The following ALDH1A2 variants were observed in gnomAD, a reference collection of about 807,000 sequenced individuals.
The protein encoded by ALDH1A2 is retinal dehydrogenase 2.
Under a neutral mutation model 60.3 loss-of-function variants are expected in ALDH1A2, and 27 were observed. The observed-to-expected ratio is 0.45, with a 90% confidence interval of 0.33 to 0.62. ALDH1A2 has a LOEUF of 0.62. Ranked by LOEUF, ALDH1A2 falls within the 20% of genes least tolerant of loss-of-function variation. ALDH1A2 has a pLI of 0.02. For missense variants in ALDH1A2, 581 were observed against 643.8 expected (o/e 0.90, Z 1.06); for synonymous variants, 289 against 232.4 (o/e 1.24, Z -2.21).
chr15:58,003,963 A>G (rs1215904248), intron 4 of ALDH1A2, among the ~76,000 whole-genome samples: 1 of 151,904 alleles, frequency 6.6e-6, no homozygotes, highest in Non-Finnish European at 1.5e-5. Flanking sequence ...GTTGTAAAGG[A>G]AACAACATCA....
intron 7 of ALDH1A2, among the ~76,000 whole-genome samples, chr15:57,987,139 C>T (rs895969886): frequency 2.6e-5 from 4 of 151,724 alleles, no homozygotes; most frequent in African/African-American, 7.3e-5. Flanking sequence ...GTTACCTAGC[C>T]GGAAGCACAA....
chr15:57,974,440 A>G (rs1894173992), intron 7 of ALDH1A2, among the ~76,000 whole-genome samples: 2 of 66,590 alleles, frequency 3.0e-5, no homozygotes. Context: ...CTCAAAAAAA[A>G]AAAAAAAAAA....
chr15:57,981,289 A>AACACAC (rs775138747), intron 7 of ALDH1A2, among the ~76,000 whole-genome samples: 22,382 of 141,910 alleles, frequency 0.16, 1,926 homozygotes, highest in Non-Finnish European at 0.22. Flanking sequence ...TAGAAGAGCA[A>AACACAC]ACACACACAC....
intron 7 of ALDH1A2, among the ~76,000 whole-genome samples, chr15:57,969,556 G>C (rs1441059820): frequency 6.6e-6 from 1 of 152,158 alleles, no homozygotes; most frequent in Non-Finnish European, 1.5e-5. Flanking sequence ...GAAGGTGGGA[G>C]TGCACGGCAA....
At chr15:58,047,614 AT>A (rs1389187968) in intron 1 of ALDH1A2, among the ~76,000 whole-genome samples, 3 of 152,018 alleles carry the variant, frequency 2.0e-5, no homozygotes, top group African/African-American at 7.2e-5. Flanking sequence ...CAAAGGTAAT[AT>A]TTTTAACTTT....
intron 7 of ALDH1A2, chr15:57,980,519 C>G (rs552024448): frequency 7.4e-6 from 2 of 269,016 alleles, no homozygotes; most frequent in Admixed American, 3.9e-5. Context: ...AATGGAGATG[C>G]AGGTGAGTCC....
intron 7 of ALDH1A2, among the ~76,000 whole-genome samples, chr15:57,984,921 T>C (rs1303656258): frequency 6.6e-6 from 1 of 152,212 alleles, no homozygotes; most frequent in African/African-American, 2.4e-5. Flanking sequence ...GAGTATTACA[T>C]TGATTTTTTT....
chr15:58,060,119 C>T (rs1266591951), intron 1 of ALDH1A2, among the ~76,000 whole-genome samples: 1 of 152,048 alleles, frequency 6.6e-6, no homozygotes, highest in Non-Finnish European at 1.5e-5. Flanking sequence ...GGGGTTTCAC[C>T]ATGATTGGCC....
chr15:57,988,422 C>T (rs1224706747), intron 7 of ALDH1A2, among the ~76,000 whole-genome samples: 2 of 152,078 alleles, frequency 1.3e-5, no homozygotes, highest in African/African-American at 4.8e-5. Context: ...AAAGAGAAAA[C>T]AAATCAAAAT....
Position 58,032,698 on chromosome 15 carries a change from A to G in ALDH1A2, c.118-18417T>C, listed in dbSNP as rs375279093. Among the ~76,000 whole-genome samples, 4 of 151,990 alleles carry G rather than the reference A, an allele frequency of 2.6e-5. No homozygotes were observed. In the East Asian group the frequency reaches 5.8e-4, roughly 22 times the overall value. On this transcript the variant is annotated intron_variant, in intron 1 of 12. Transcript: ENST00000249750. ...TTGGTTATCTATCCAAAGCAAAAGA[A>G]ATCAATATATCAAAGGGATACCTGC... is the stretch of plus-strand genomic sequence containing the variant.
intron 7 of ALDH1A2, 100 bp downstream of exon 7, chr15:57,992,605 C>G: frequency 1.8e-6 from 2 of 1,103,444 alleles, no homozygotes; most frequent in East Asian, 2.4e-5. Context: ...ACTCACTGCC[C>G]TTTTGGTGTC....
chr15:58,039,461 C>T (rs1313909756), intron 1 of ALDH1A2, among the ~76,000 whole-genome samples: 1 of 151,792 alleles, frequency 6.6e-6, no homozygotes, highest in Admixed American at 6.6e-5. Context: ...GTTCATTGTT[C>T]AACCTCAATT....
At chr15:58,058,177 G>C in intron 1 of ALDH1A2, 1 of 1,055,022 alleles carries the variant, frequency 9.5e-7, no homozygotes, top group East Asian at 2.7e-5. Context: ...CACCTTCCCA[G>C]GCAAAGCCTT....
At chr15:58,060,342 T>A (rs534093060) in intron 1 of ALDH1A2, among the ~76,000 whole-genome samples, 2 of 152,304 alleles carry the variant, frequency 1.3e-5, no homozygotes, top group Admixed American at 1.3e-4. Context: ...TATATGCCAC[T>A]TACTTTAACA....
intron 1 of ALDH1A2, chr15:58,014,625 G>A (rs1250666665): frequency 6.8e-6 from 3 of 442,488 alleles, no homozygotes; most frequent in African/African-American, 2.0e-5. Flanking sequence ...TATCCATGAG[G>A]GTTAAATAGC....
chr15:58,033,756 A>G (rs1372633957), intron 1 of ALDH1A2, among the ~76,000 whole-genome samples: 1 of 148,054 alleles, frequency 6.8e-6, no homozygotes, highest in Non-Finnish European at 1.5e-5. Context: ...TCCTTTCTCC[A>G]CTATGTGCTT....
intron 1 of ALDH1A2, chr15:58,058,044 C>G: frequency 6.6e-7 from 1 of 1,519,526 alleles, no homozygotes; most frequent in African/African-American, 1.4e-5. Context: ...TTTAACCAAA[C>G]AGTCTCACAC....
intron 7 of ALDH1A2, among the ~76,000 whole-genome samples, chr15:57,976,904 C>G (rs1015942738): frequency 6.6e-5 from 10 of 152,154 alleles, no homozygotes; most frequent in African/African-American, 2.4e-4. Flanking sequence ...TCCTATTTCT[C>G]CAAATCCTCT....
At position 57,967,170 on chromosome 15, in the gene ALDH1A2, A is replaced by ATTT. The variant is rs34306826; in HGVS notation, c.799-1346_799-1344dup. ...AAGGCTCTGGAGCCAGACTGCCTGGATTTTTTTTTTTTTTTTTTAACCAGT... is the reference window on the plus strand; with the variant it reads ...AAGGCTCTGGAGCCAGACTGCCTGGATTTTTTTTTTTTTTTTTTTTTAACCAGT... On this transcript the variant is annotated intron_variant, in intron 7 of 12. Coordinates refer to ENST00000249750, the MANE Select transcript of ALDH1A2 (RefSeq NM_003888.4). 7.3e-4 allele frequency among the ~76,000 whole-genome samples: 104 copies of ATTT among 141,730 alleles called. No homozygotes were observed. The East Asian group carries it at 7.5e-3, about 10-fold the overall frequency. 93.0% of individuals were successfully genotyped at this position (141,730 alleles called of 152,430 possible).
Sources: gnomAD v4.1 joint callset for allele counts (sites outside exome capture counted in the v4.1 genomes callset) on GRCh38, gnomAD v4.1.1 for gene constraint, MANE v1.5 for transcripts, NCBI Gene and HGNC (gene_info 2026-07-23, HGNC 2026-07-21) for gene names.